RIT2: variants seen among roughly 807,000 people sequenced by gnomAD.
RIT2 encodes GTP-binding protein Rit2.
In RIT2, 24 loss-of-function variants were observed where a neutral mutation model predicts 23.7. The observed-to-expected ratio is 1.01, with a 90% CI of 0.73 to 1.43. The LOEUF (loss-of-function observed/expected upper bound fraction) is 1.43, where lower values mean the gene tolerates loss of function less well. Among genes scored for constraint, RIT2 ranks in the 40% most tolerant of loss-of-function variants. The pLI is 0.00. For synonymous variants in RIT2, 107 were observed against 91.1 expected (o/e 1.17, Z -0.99); for missense variants, 236 against 266.9 (o/e 0.88, Z 0.81).
At chr18:42,749,033 G>A (rs1912983781) in intron 4 of RIT2, among the ~76,000 whole-genome samples, 2 of 151,880 alleles carry the variant, frequency 1.3e-5, no homozygotes, top group African/African-American at 4.8e-5. Flanking sequence ...GCTAACAAAT[G>A]AAAAAGTCAG....
At chr18:42,970,828 A>G (rs1272136008) in intron 3 of RIT2, among the ~76,000 whole-genome samples, 1 of 151,972 alleles carries the variant, frequency 6.6e-6, no homozygotes. Flanking sequence ...TTGAGTCTTC[A>G]TTTTGGAAAG....
intron 2 of RIT2, among the ~76,000 whole-genome samples, chr18:43,022,482 A>G (rs1440749829): frequency 6.6e-6 from 1 of 152,146 alleles, no homozygotes; most frequent in Non-Finnish European, 1.5e-5. Flanking sequence ...AGAAATGGTC[A>G]ATACGCAGGA....
chr18:42,787,755 G>A (rs1342066633), intron 4 of RIT2, among the ~76,000 whole-genome samples: 1 of 151,996 alleles, frequency 6.6e-6, no homozygotes, highest in Non-Finnish European at 1.5e-5. Context: ...TTTAGAATTA[G>A]TAAACATGAA....
At chr18:43,085,136 T>C (rs941850079) in intron 1 of RIT2, among the ~76,000 whole-genome samples, 20 of 152,068 alleles carry the variant, frequency 1.3e-4, no homozygotes, top group Non-Finnish European at 2.5e-4. Context: ...TTTAAAAGTA[T>C]TTATTGACTA....
intron 4 of RIT2, among the ~76,000 whole-genome samples, chr18:42,804,889 G>A (rs968300779): frequency 6.6e-6 from 1 of 152,228 alleles, no homozygotes; most frequent in Non-Finnish European, 1.5e-5. Context: ...ACATGAGATA[G>A]TGCGCAGGGC....
intron 1 of RIT2, among the ~76,000 whole-genome samples, chr18:43,100,810 AAAG>A (rs1359860723): frequency 1.3e-5 from 2 of 152,050 alleles, no homozygotes; most frequent in East Asian, 1.9e-4. Flanking sequence ...ACAAGTTTGA[AAAG>A]AAGATCGGTG....
chr18:42,863,460 GTATTTT>G (rs544587719), intron 4 of RIT2, among the ~76,000 whole-genome samples: 1 of 152,082 alleles, frequency 6.6e-6, no homozygotes, highest in South Asian at 2.1e-4. Context: ...TTTCTTTGTG[GTATTTT>G]TACCAGTGAA....
intron 2 of RIT2, among the ~76,000 whole-genome samples, chr18:43,022,808 T>C (rs1179602192): frequency 6.6e-6 from 1 of 152,038 alleles, no homozygotes; most frequent in African/African-American, 2.4e-5. Context: ...TATTGATAGG[T>C]AAAGCAACCA....
At chr18:43,096,420 A>G (rs1303911603) in intron 1 of RIT2, among the ~76,000 whole-genome samples, 4 of 151,868 alleles carry the variant, frequency 2.6e-5, no homozygotes, top group South Asian at 2.1e-4. Flanking sequence ...AGAGTACACC[A>G]TGTGTATAAT....
At chr18:42,819,294 A>C (rs542052429) in intron 4 of RIT2, among the ~76,000 whole-genome samples, 6 of 152,068 alleles carry the variant, frequency 3.9e-5, no homozygotes, top group Non-Finnish European at 8.8e-5. Flanking sequence ...CTATCCTAAC[A>C]CTTAATGCTG....
intron 4 of RIT2, among the ~76,000 whole-genome samples, chr18:42,922,687 A>T (rs911256246): frequency 6.6e-6 from 1 of 152,122 alleles, no homozygotes; most frequent in African/African-American, 2.4e-5. Context: ...GTAGTGTCTG[A>T]CCAGAAGAGA....
At chr18:42,923,528 C>T in intron 4 of RIT2, 44 bp downstream of exon 4, 3 of 1,551,230 alleles carry the variant, frequency 1.9e-6, no homozygotes, top group South Asian at 2.3e-5. Context: ...ACTATGCATC[C>T]TCAGAGCAAA....
chr18:43,076,338 G>A (rs746601607), intron 1 of RIT2, among the ~76,000 whole-genome samples: 3 of 151,888 alleles, frequency 2.0e-5, no homozygotes, highest in Non-Finnish European at 4.4e-5. Flanking sequence ...TATTCTTTCC[G>A]TTAAATTGAT....
intron 1 of RIT2, among the ~76,000 whole-genome samples, chr18:43,041,874 G>A (rs1027716244): frequency 2.8e-4 from 42 of 152,082 alleles, no homozygotes; most frequent in Non-Finnish European, 4.7e-4. Flanking sequence ...GCCAGAGGCA[G>A]AGACTGTCAG....
chr18:42,991,995 C>T lies in RIT2; in HGVS notation c.161-17848G>A, dbSNP rs117816386. Among the ~76,000 whole-genome samples, 57 of 152,156 alleles carry T rather than the reference C, an allele frequency of 3.7e-4. No individual in the cohort carries two copies. The East Asian group carries it at 7.2e-3, about 19-fold the overall frequency. On this transcript the variant is annotated intron_variant, in intron 2 of 4. Transcript: ENST00000326695. The stretch of plus-strand genomic sequence containing the variant: ...ACCCCCATCCCTTATTTCTGCACCC[C>T]GACCTCTTATGTCTGTGCCCCAACC...
chr18:43,031,887 T>C (rs1911862072), intron 2 of RIT2, among the ~76,000 whole-genome samples: 1 of 152,100 alleles, frequency 6.6e-6, no homozygotes, highest in South Asian at 2.1e-4. Context: ...TTTCAAACTG[T>C]ACTAATACGA....
intron 1 of RIT2, among the ~76,000 whole-genome samples, chr18:43,066,871 T>C (rs897451059): frequency 1.3e-5 from 2 of 151,158 alleles, no homozygotes. Context: ...AAGTGAACAG[T>C]TGGAAGCAGG....
chr18:43,029,612 C>T (rs1911808851), intron 2 of RIT2, among the ~76,000 whole-genome samples: 1 of 151,882 alleles, frequency 6.6e-6, no homozygotes, highest in South Asian at 2.1e-4. Context: ...ATGATCAGCT[C>T]TCAGAGATAA....
chr18:42,952,237 A>T (rs897425994), intron 3 of RIT2, among the ~76,000 whole-genome samples: 1 of 152,172 alleles, frequency 6.6e-6, no homozygotes, highest in African/African-American at 2.4e-5. Context: ...AACACTATGG[A>T]TGAACATTGA....
Sources: allele counts gnomAD v4.1 joint callset (sites outside exome capture counted in the v4.1 genomes callset), GRCh38; gene constraint gnomAD v4.1.1; transcripts MANE v1.5; gene names NCBI Gene and HGNC (gene_info 2026-07-23, HGNC 2026-07-21).